Variants in ZNF564 observed in about 807,000 individuals in gnomAD.
ZNF564 encodes zinc finger protein 564.
In ZNF564, 5 loss-of-function variants were observed where a neutral mutation model predicts 10.5. The ratio of observed to expected loss-of-function variants is 0.48; its 90% CI spans 0.25 to 1.00. The LOEUF (loss-of-function observed/expected upper bound fraction) is 1.00. Among genes scored for constraint, ZNF564 ranks in the 50% least tolerant of loss-of-function variants. The pLI is 0.16. For synonymous variants in ZNF564, 242 were observed against 218.1 expected (o/e 1.11, Z -0.97); for missense variants, 603 against 669.7 (o/e 0.90, Z 1.10).
intron 1 of ZNF564, among the ~76,000 whole-genome samples, chr19:12,539,050 C>T (rs1165877098): frequency 1.3e-5 from 2 of 148,220 alleles, no homozygotes; most frequent in African/African-American, 5.0e-5. Flanking sequence ...TAATGTGGCG[C>T]AATCCAGTCT....
chr19:12,534,385 T>C (rs973644482), intron 1 of ZNF564, among the ~76,000 whole-genome samples: 6 of 152,198 alleles, frequency 3.9e-5, no homozygotes, highest in Admixed American at 3.3e-4. Context: ...CAACCTTTAT[T>C]AGAATGGCTA....
chr19:12,542,714 G>C (rs958513645), intron 1 of ZNF564, among the ~76,000 whole-genome samples: 2 of 151,280 alleles, frequency 1.3e-5, no homozygotes, highest in African/African-American at 4.9e-5. Context: ...GGAAGGAAAA[G>C]AAAAAAGGGC....
Position 12,550,375 on chromosome 19 carries a change from G to A in ZNF564, c.3+955C>T, listed in dbSNP as rs527756327. 2.9e-4 allele frequency: 46 copies of A among 156,298 alleles called. No homozygotes were observed. The East Asian group carries it at 6.6e-3, about 22-fold the overall frequency. 9.7% of individuals were successfully genotyped at this position (156,298 alleles called of 1,614,324 possible). A position where few individuals can be genotyped will look rare whatever the true frequency, so the allele number is the denominator to read the frequency against. On this transcript the variant is annotated intron_variant, in intron 1 of 3. Coordinates refer to ENST00000339282, the MANE Select transcript of ZNF564 (RefSeq NM_144976.4). Reference sequence around the variant, plus strand: ...CAGGTTACAAGTACACAAACAAGAGGCCGGGCGCGGTGGCTCACGTCTGTA... The same window carrying A: ...CAGGTTACAAGTACACAAACAAGAGACCGGGCGCGGTGGCTCACGTCTGTA...
In ZNF564 at chr19:12,533,791, CAA is replaced by C. The variant is rs1293670904; in HGVS notation, c.4-5097_4-5096del. 1.2e-4 allele frequency among the ~76,000 whole-genome samples: 7 copies of C among 58,348 alleles called. No individual in the cohort carries two copies. The East Asian group carries it at 2.6e-3, about 22-fold the overall frequency. 38.3% of individuals were successfully genotyped at this position (58,348 alleles called of 152,430 possible). On this transcript the variant is annotated intron_variant, in intron 1 of 3. Coordinates refer to ENST00000339282, the MANE Select transcript of ZNF564 (RefSeq NM_144976.4). ...AGTCTACTTCAGGAAAACAGAAAAA[CAA>C]GAGAGCAAATTAAACCCAAGTAAGC...
At position 12,528,706 on chromosome 19, in the gene ZNF564, C is replaced by A. The variant is rs776358303; in HGVS notation, c.4-10G>T. The A allele has an allele frequency of 1.2e-6, 2 of 1,603,032 alleles. No homozygotes were observed. The highest frequency in any genetic ancestry group is 1.1e-5 in the South Asian group (1 of 89,426). On this transcript the variant is annotated splice_polypyrimidine_tract_variant and intron_variant, in intron 1 of 3. Transcript: ENST00000339282. Reference sequence around the variant, plus strand: ...CAGAGGCCACTGAGTCCTAAAACATCCCAAATATGCAATGCAGGAGGAAGA... The same window carrying A: ...CAGAGGCCACTGAGTCCTAAAACATACCAAATATGCAATGCAGGAGGAAGA...
chr19:12,527,518 T>C lies in ZNF564; in HGVS notation c.590A>G (p.Tyr197Cys), dbSNP rs779908548. ...HMIKHTGDGP[Y>C]KCQECGKAFD... ...GGCTTTCCCACATTCCTGACATTTA[T>C]ATGGTCCATCTCCAGTGTGCTTAAT... The change falls in exon 4 of 4, where the codon TAT becomes TGT. Residue 197 changes from tyrosine (Y) to cysteine (C), a missense_variant. Tyr to Cys is a radical substitution (Grantham distance 194). Transcript: ENST00000339282. The C allele has an allele frequency of 6.2e-7, 1 of 1,614,028 alleles. No homozygotes were observed. Among genetic ancestry groups the C allele is most frequent in the African/African-American group, 1.3e-5 (1 of 74,936 alleles).
intron 1 of ZNF564, among the ~76,000 whole-genome samples, chr19:12,542,492 G>T (rs895727505): frequency 2.6e-5 from 4 of 151,756 alleles, no homozygotes; most frequent in Non-Finnish European, 5.9e-5. Context: ...ATGATAGCAC[G>T]TGTCTGTAGT....
intron 1 of ZNF564, among the ~76,000 whole-genome samples, chr19:12,545,846 A>G (rs1245137060): frequency 6.6e-6 from 1 of 151,968 alleles, no homozygotes; most frequent in East Asian, 1.9e-4. Context: ...AAATTTTTAC[A>G]CAACTCAATC....
In ZNF564 at chr19:12,527,826, CTTGTTCAGA is replaced by C; in HGVS notation, c.273_281del (p.Asn91_Asn93del). On this transcript the variant is annotated inframe_deletion, in exon 4 of 4. Transcript: ENST00000339282. ...ATGGTCTTACTATAGTAGGAATTTT[CTTGTTCAGA>C]TTAAGATTGAGAATCTGACTGAAGG... is the stretch of plus-strand genomic sequence containing the variant. 6.2e-7 allele frequency: 1 copy of C among 1,614,144 alleles called. No individual in the cohort carries two copies. Among genetic ancestry groups the C allele is most frequent in the Non-Finnish European group, 8.5e-7 (1 of 1,180,014 alleles).
At chr19:12,548,360 G>A (rs2022191881) in intron 1 of ZNF564, among the ~76,000 whole-genome samples, 1 of 151,870 alleles carries the variant, frequency 6.6e-6, no homozygotes, top group Admixed American at 6.6e-5. Flanking sequence ...GGGACTACAG[G>A]CACACACCGC....
intron 1 of ZNF564, among the ~76,000 whole-genome samples, chr19:12,544,746 G>C (rs2022119173): frequency 6.6e-6 from 1 of 152,160 alleles, no homozygotes; most frequent in Admixed American, 6.6e-5. Flanking sequence ...TCCAATAAAG[G>C]CATCTGCCCA....
chr19:12,531,082 T>A (rs575630114), intron 1 of ZNF564, among the ~76,000 whole-genome samples: 1 of 152,282 alleles, frequency 6.6e-6, no homozygotes, highest in Admixed American at 6.5e-5. Flanking sequence ...TGAAATGTCC[T>A]CAAGATAGCC....
At position 12,528,582 on chromosome 19, in the gene ZNF564, G is replaced by A. The variant is rs1418823176; in HGVS notation, c.118C>T (p.Leu40=). 18 of 1,613,498 alleles carry A rather than the reference G, an allele frequency of 1.1e-5. No individual in the cohort carries two copies. The highest frequency in any genetic ancestry group is 1.5e-5 in the Non-Finnish European group (18 of 1,179,868). The change falls in exon 2 of 4, where the codon CTG becomes TTG. Residue 40 remains leucine (L), a synonymous_variant. Coordinates refer to ENST00000339282, the MANE Select transcript of ZNF564 (RefSeq NM_144976.4). The stretch of plus-strand genomic sequence containing the variant: ...ATGTCATCCTTACCTACACAGGCCA[G>A]GTTTCTAAAGGTTTCCCGCATCACA... ...RDVMRETFRN[L]ACVGKKWEDQ... is the part of the protein sequence containing the mutation.
chr19:12,543,876 G>A (rs1470832942), intron 1 of ZNF564, among the ~76,000 whole-genome samples: 1 of 152,132 alleles, frequency 6.6e-6, no homozygotes, highest in Non-Finnish European at 1.5e-5. Flanking sequence ...TAGAGACCAT[G>A]AGGGTGGTGC....
At chr19:12,543,501 C>G (rs1320138308) in intron 1 of ZNF564, among the ~76,000 whole-genome samples, 1 of 150,636 alleles carries the variant, frequency 6.6e-6, no homozygotes, top group Non-Finnish European at 1.5e-5. Flanking sequence ...ATAGTGAAAC[C>G]CTGTCTCTAC....
chr19:12,546,554 C>T (rs926147807), intron 1 of ZNF564, among the ~76,000 whole-genome samples: 2 of 151,918 alleles, frequency 1.3e-5, no homozygotes, highest in Non-Finnish European at 2.9e-5. Context: ...GGTGAAACCC[C>T]GTCTCTACTA....
At chr19:12,543,988 A>G (rs1038671601) in intron 1 of ZNF564, among the ~76,000 whole-genome samples, 11 of 152,082 alleles carry the variant, frequency 7.2e-5, no homozygotes, top group Admixed American at 5.9e-4. Context: ...ATGATCTGAA[A>G]ACCACAAAGC....
chr19:12,528,557 A>T lies in ZNF564; in HGVS notation c.130+13T>A. On this transcript the variant is annotated intron_variant, in intron 2 of 3. Coordinates refer to ENST00000339282, the MANE Select transcript of ZNF564 (RefSeq NM_144976.4). ...CTCTAACTGACTAAAAGAAGGAATG[A>T]TGTCATCCTTACCTACACAGGCCAG... The T allele has an allele frequency of 6.2e-7, 1 of 1,610,734 alleles. No homozygotes were observed. Among genetic ancestry groups the T allele is most frequent in the Admixed American group, 1.7e-5 (1 of 58,636 alleles).
chr19:12,528,734 G>A (rs1366075123), intron 1 of ZNF564, 38 bp from the exon 2 acceptor site: 1 of 1,593,168 alleles, frequency 6.3e-7, no homozygotes, highest in Non-Finnish European at 8.5e-7. Context: ...GAGGAAGAAT[G>A]AGATGACAGT....
Sources: gnomAD v4.1 joint callset for allele counts (sites outside exome capture counted in the v4.1 genomes callset) on GRCh38, gnomAD v4.1.1 for gene constraint, MANE v1.5 for transcripts, NCBI Gene and HGNC (gene_info 2026-07-23, HGNC 2026-07-21) for gene names.